The following ERBB4 variants were observed in gnomAD, a reference collection of about 807,000 sequenced individuals.
ERBB4 encodes receptor tyrosine-protein kinase erbB-4.
In ERBB4, 42 loss-of-function variants were observed where a neutral mutation model predicts 158.0. The ratio of observed to expected loss-of-function variants is 0.27; its 90% CI spans 0.21 to 0.34. ERBB4 has a LOEUF of 0.34. ERBB4 is among the 10% of genes least tolerant of loss of function. The pLI, the probability that ERBB4 is intolerant of heterozygous loss-of-function variation, is 1.00. For missense variants in ERBB4, 1,333 were observed against 1,624.1 expected (o/e 0.82, Z 3.08); for synonymous variants, 583 against 558.7 (o/e 1.04, Z -0.61).
chr2:211,420,442 C>T lies in ERBB4; in HGVS notation c.3134G>A (p.Arg1045Lys), dbSNP rs202053701. The T allele has an allele frequency of 6.2e-7, 1 of 1,604,322 alleles. No homozygotes were observed. The highest frequency in any genetic ancestry group is 8.5e-7 in the Non-Finnish European group (1 of 1,171,746). Residue 1045 changes from arginine (R) to lysine (K), a missense_variant and splice_region_variant, in exon 25 of 28, where the codon AGG becomes AAG. Arg to Lys is a conservative substitution (Grantham distance 26). This residue lies in a region of ERBB4 where 252 missense variants were observed against 241.3 expected (regional missense o/e 1.04). Transcript: ENST00000342788. The part of the protein sequence containing the change: ...YTSRARIDSN[R>K]SEIGHSPPPA... ...TATGTGTATATAATTATTTCTTACC[C>T]TATTCGAGTCAATTCTTGCTCTGGA...
At chr2:211,993,448 G>A (rs1228147720) in intron 2 of ERBB4, among the ~76,000 whole-genome samples, 1 of 152,054 alleles carries the variant, frequency 6.6e-6, no homozygotes, top group Non-Finnish European at 1.5e-5. Flanking sequence ...GCCACTCAGG[G>A]TGTGCTATTT....
chr2:212,329,797 C>G (rs1261699518), intron 1 of ERBB4, among the ~76,000 whole-genome samples: 1 of 152,040 alleles, frequency 6.6e-6, no homozygotes, highest in African/African-American at 2.4e-5. Context: ...TTTATAAAAT[C>G]TTGAATCTAA....
intron 20 of ERBB4, among the ~76,000 whole-genome samples, chr2:211,445,372 A>G (rs1275670830): frequency 6.6e-6 from 1 of 152,142 alleles, no homozygotes; most frequent in Non-Finnish European, 1.5e-5. Flanking sequence ...GGACCTTACC[A>G]ATGAGGTTAA....
intron 1 of ERBB4, among the ~76,000 whole-genome samples, chr2:212,457,892 C>G (rs576034963): frequency 1.3e-5 from 2 of 151,636 alleles, no homozygotes; most frequent in Non-Finnish European, 2.9e-5. Context: ...CCGTAGGCAC[C>G]CTAGTAATAT....
At chr2:211,907,274 G>T (rs1464581721) in intron 3 of ERBB4, among the ~76,000 whole-genome samples, 1 of 151,776 alleles carries the variant, frequency 6.6e-6, no homozygotes, top group Non-Finnish European at 1.5e-5. Context: ...GGAATCTTCA[G>T]CATCTAGATG....
chr2:211,523,903 G>A (rs904934288), intron 20 of ERBB4, among the ~76,000 whole-genome samples: 2 of 152,086 alleles, frequency 1.3e-5, no homozygotes, highest in African/African-American at 4.8e-5. Flanking sequence ...TTGACAGGGT[G>A]CTGATTGGTG....
At chr2:211,966,400 C>T (rs2081312883) in intron 2 of ERBB4, among the ~76,000 whole-genome samples, 3 of 152,164 alleles carry the variant, frequency 2.0e-5, no homozygotes, top group Non-Finnish European at 4.4e-5. Context: ...CGCCACCACA[C>T]CCAGCTAATT....
chr2:212,180,728 A>C (rs777019423), intron 1 of ERBB4, among the ~76,000 whole-genome samples: 5 of 151,716 alleles, frequency 3.3e-5, no homozygotes, highest in Non-Finnish European at 5.9e-5. Context: ...TTTCCTAACA[A>C]CACACTTTTC....
intron 1 of ERBB4, among the ~76,000 whole-genome samples, chr2:212,185,119 A>G (rs1397769633): frequency 6.6e-6 from 1 of 150,858 alleles, no homozygotes; most frequent in East Asian, 1.9e-4. Flanking sequence ...TTCCCTGGTT[A>G]AAGTGGTTCT....
At chr2:211,835,123 A>C (rs761272600) in intron 3 of ERBB4, among the ~76,000 whole-genome samples, 3 of 145,230 alleles carry the variant, frequency 2.1e-5, no homozygotes, top group Non-Finnish European at 4.6e-5. Context: ...AAGGCTAATG[A>C]AATGTTAAAT....
At chr2:212,505,339 C>T (rs1436232170) in intron 1 of ERBB4, among the ~76,000 whole-genome samples, 3 of 152,148 alleles carry the variant, frequency 2.0e-5, no homozygotes, top group Admixed American at 6.5e-5. Context: ...TCAGGTGATC[C>T]ATCCCCATCG....
chr2:211,894,440 T>G (rs1482298032), intron 3 of ERBB4, among the ~76,000 whole-genome samples: 1 of 139,786 alleles, frequency 7.2e-6, no homozygotes, highest in Non-Finnish European at 1.5e-5. Context: ...AGGGATAGCA[T>G]TGGGAGATAT....
chr2:212,397,360 C>G (rs1022175498), intron 1 of ERBB4, among the ~76,000 whole-genome samples: 1 of 151,970 alleles, frequency 6.6e-6, no homozygotes, highest in Admixed American at 6.6e-5. Context: ...GCAGTCCCAG[C>G]TACTCAAGAG....
chr2:212,504,222 T>C (rs906139787), intron 1 of ERBB4, among the ~76,000 whole-genome samples: 3 of 152,190 alleles, frequency 2.0e-5, no homozygotes, highest in Admixed American at 6.5e-5. Context: ...AAGCCATAGA[T>C]TGCTATTAAA....
intron 1 of ERBB4, among the ~76,000 whole-genome samples, chr2:212,393,324 C>A (rs1186996379): frequency 2.0e-5 from 3 of 151,936 alleles, no homozygotes; most frequent in African/African-American, 7.3e-5. Flanking sequence ...TTTAAGGGAG[C>A]TTTTTATAAA....
chr2:212,396,691 T>G (rs2091034484), intron 1 of ERBB4, among the ~76,000 whole-genome samples: 1 of 152,156 alleles, frequency 6.6e-6, no homozygotes, highest in South Asian at 2.1e-4. Context: ...CAATACCTAC[T>G]TAAGCCATAG....
intron 19 of ERBB4, among the ~76,000 whole-genome samples, chr2:211,566,050 G>C (rs569403682): frequency 1.3e-5 from 2 of 152,160 alleles, no homozygotes; most frequent in African/African-American, 4.8e-5. Context: ...GATGATGACT[G>C]GAAGTTCCGG....
chr2:211,753,287 A>G (rs982293451), intron 4 of ERBB4, among the ~76,000 whole-genome samples: 1 of 151,778 alleles, frequency 6.6e-6, no homozygotes, highest in South Asian at 2.1e-4. Flanking sequence ...TAGAAAAAAA[A>G]AAACAAAATT....
At chr2:211,481,529 T>G (rs1286711280) in intron 20 of ERBB4, among the ~76,000 whole-genome samples, 7 of 151,922 alleles carry the variant, frequency 4.6e-5, no homozygotes. Flanking sequence ...GGAAATCTTT[T>G]TTTTTTTTTT....
Sources: allele counts gnomAD v4.1 joint callset (sites outside exome capture counted in the v4.1 genomes callset), GRCh38; gene constraint gnomAD v4.1.1; regional missense constraint gnomAD v4.1.1; transcripts MANE v1.5; gene names NCBI Gene and HGNC (gene_info 2026-07-23, HGNC 2026-07-21).